NDUFA10: variants seen among roughly 807,000 people sequenced by gnomAD.
The protein encoded by NDUFA10 is NADH:ubiquinone oxidoreductase subunit A10, also known as NADH dehydrogenase [ubiquinone] 1 alpha subcomplex subunit 10, mitochondrial.
NDUFA10 carries 40 observed loss-of-function variants against 47.8 expected under a neutral mutation model. The observed-to-expected ratio is 0.84, with a 90% CI of 0.65 to 1.09. NDUFA10 has a LOEUF of 1.09. Ranked by LOEUF, NDUFA10 falls within the 50% of genes least tolerant of loss-of-function variation. The probability of loss-of-function intolerance (pLI) is 0.00; values close to 1 mark genes in which losing one functional copy is unlikely to be tolerated. For synonymous variants in NDUFA10, 183 were observed against 172.2 expected, an observed-to-expected ratio of 1.06 and a Z score of -0.49; for missense variants, 413 against 451.1, an observed-to-expected ratio of 0.92 and a Z score of 0.76.
chr2:239,980,367 C>T (rs984856521), intron 9 of NDUFA10, among the ~76,000 whole-genome samples: 3 of 152,186 alleles, frequency 2.0e-5, no homozygotes, highest in Non-Finnish European at 4.4e-5. Flanking sequence ...TCCCAAGATG[C>T]CTGACTCTAT....
chr2:239,900,092 C>T (rs1429742937), intron 4 of NDUFA10, among the ~76,000 whole-genome samples: 1 of 151,996 alleles, frequency 6.6e-6, no homozygotes, highest in Non-Finnish European at 1.5e-5. Flanking sequence ...GCTTCCTGCC[C>T]CTGAACATCA....
chr2:240,007,410 C>A, intron 6 of NDUFA10, 40 bp from the exon 7 acceptor site: 1 of 1,418,460 alleles, frequency 7.0e-7, no homozygotes, highest in Non-Finnish European at 1.0e-6. Flanking sequence ...GTAAACTTTT[C>A]CAAGCTGAAG....
At chr2:239,931,929 G>A (rs555566185) in intron 4 of NDUFA10, among the ~76,000 whole-genome samples, 2 of 131,780 alleles carry the variant, frequency 1.5e-5, no homozygotes, top group East Asian at 2.5e-4. Flanking sequence ...TCCGCCTCCC[G>A]GGTTCACGCC....
chr2:240,011,843 AG>A, intron 5 of NDUFA10, 147 bp from the exon 6 acceptor site: 1 of 721,064 alleles, frequency 1.4e-6, no homozygotes, highest in South Asian at 1.5e-5. Context: ...GTGACAGCAA[AG>A]GGTCCCAACA....
chr2:240,018,171 T>G (rs932464324), intron 4 of NDUFA10, among the ~76,000 whole-genome samples: 1 of 152,172 alleles, frequency 6.6e-6, no homozygotes, highest in Non-Finnish European at 1.5e-5. Context: ...AACATCCCAA[T>G]TCATCAAAAT....
chr2:239,977,339 C>T (rs1256907828), intron 9 of NDUFA10, among the ~76,000 whole-genome samples: 1 of 152,234 alleles, frequency 6.6e-6, no homozygotes, highest in Non-Finnish European at 1.5e-5. Context: ...CCGCCACTGT[C>T]CCTGAGTATG....
rs754678966 is a variant in NDUFA10, at chr2:240,025,217, G to A, written c.75+10C>T. The A allele has an allele frequency of 8.1e-7, 1 of 1,231,426 alleles. No homozygotes were observed. The highest frequency in any genetic ancestry group is 6.3e-5 in the East Asian group (1 of 15,936). 76.3% of individuals were successfully genotyped at this position (1,231,426 alleles called of 1,614,324 possible). A position where few individuals can be genotyped will look rare whatever the true frequency, so the allele number is the denominator to read the frequency against. ...CACCCCGCCACCCTGCCACCCCGCC[G>A]CCCGCTCACCACGCGCTGGGCGCCC... is the stretch of plus-strand genomic sequence containing the variant. On this transcript the variant is annotated intron_variant, in intron 1 of 9. Coordinates refer to ENST00000252711, the MANE Select transcript of NDUFA10 (RefSeq NM_004544.4).
chr2:239,928,873 C>T lies in NDUFA10; in HGVS notation c.295-33559G>A, dbSNP rs537534255. ...ACTCCTCCCATCAGCGGATCCTCCG[C>T]GAATCCTCCCAGCCTTGACTCCGAA... On this transcript the variant is annotated intron_variant, in intron 4 of 5. Transcript: ENST00000419408. This position sits in a 1 kb window ranked among gnomAD's most constrained non-coding sequence, Gnocchi z 4.3. 3.3e-5 allele frequency among the ~76,000 whole-genome samples: 5 copies of T among 152,324 alleles called. No homozygotes were observed. The highest frequency in any genetic ancestry group is 9.6e-5 in the African/African-American group (4 of 41,580).
intron 9 of NDUFA10, among the ~76,000 whole-genome samples, chr2:239,963,667 T>C (rs1050038169): frequency 2.0e-5 from 3 of 152,088 alleles, no homozygotes; most frequent in Non-Finnish European, 2.9e-5. Context: ...GGTTGCCCCA[T>C]AGAGATGACC....
At chr2:239,989,885 G>A (rs577688965) in intron 9 of NDUFA10, among the ~76,000 whole-genome samples, 189 bp downstream of exon 9, 9 of 152,312 alleles carry the variant, frequency 5.9e-5, no homozygotes, top group Non-Finnish European at 2.9e-5. Context: ...TGTCATCTGA[G>A]GACTTCATCA....
At chr2:239,918,616 T>A (rs774336821) in intron 4 of NDUFA10, among the ~76,000 whole-genome samples, 9 of 152,166 alleles carry the variant, frequency 5.9e-5, no homozygotes, top group Non-Finnish European at 7.4e-5. Flanking sequence ...CCACAGACCC[T>A]AAGAAAGCCC....
At chr2:239,978,615 T>G (rs1375457463) in intron 9 of NDUFA10, among the ~76,000 whole-genome samples, 2 of 152,182 alleles carry the variant, frequency 1.3e-5, no homozygotes, top group Admixed American at 6.5e-5. Context: ...GGCACTTCTG[T>G]CCCTCCCACC....
intron 9 of NDUFA10, among the ~76,000 whole-genome samples, chr2:239,968,018 A>ATTCTAATGGAGGAAACTCC (rs1695150862): frequency 6.6e-6 from 1 of 150,490 alleles, no homozygotes; most frequent in Non-Finnish European, 1.5e-5. Context: ...ACAGTCACTC[A>ATTCTAATGGAGGAAACTCC]TTCTAATGGA....
chr2:239,974,311 C>T (rs938161561), intron 9 of NDUFA10, among the ~76,000 whole-genome samples: 6 of 152,186 alleles, frequency 3.9e-5, no homozygotes, highest in African/African-American at 1.4e-4. Flanking sequence ...TGGACAGGTG[C>T]CTGAGAGCCA....
chr2:239,908,954 C>T (rs542511485), intron 4 of NDUFA10, among the ~76,000 whole-genome samples: 14 of 152,332 alleles, frequency 9.2e-5, no homozygotes, highest in South Asian at 2.1e-4. Context: ...CTCCCGCATC[C>T]CCTCTGGGCA....
Position 239,959,322 on chromosome 2 carries a change from T to G in NDUFA10, c.*1796A>C, listed in dbSNP as rs1186205729. 9 of 985,490 alleles carry G rather than the reference T, an allele frequency of 9.1e-6. No homozygotes were observed. Among genetic ancestry groups the G allele is most frequent in the Non-Finnish European group, 1.1e-5 (9 of 829,958 alleles). 61.0% of individuals were successfully genotyped at this position (985,490 alleles called of 1,614,324 possible). A position where few individuals can be genotyped will look rare whatever the true frequency, so the allele number is the denominator to read the frequency against. ...CAGGGCAGACCTGCCCTCTCACTGC[T>G]GAGGACACTACCCGTGCAACCACCA... On this transcript the variant is annotated 3_prime_UTR_variant, in exon 10 of 10. Coordinates refer to ENST00000252711, the MANE Select transcript of NDUFA10 (RefSeq NM_004544.4).
chr2:239,969,577 T>C (rs899141753), intron 9 of NDUFA10: 1 of 458,308 alleles, frequency 2.2e-6, no homozygotes, highest in African/African-American at 2.0e-5. Context: ...TCTTTGGCTC[T>C]AGGACACTCA....
At chr2:239,937,473 C>T (rs2106376722) in intron 4 of NDUFA10, among the ~76,000 whole-genome samples, 1 of 152,282 alleles carries the variant, frequency 6.6e-6, no homozygotes, top group South Asian at 2.1e-4. Context: ...ACACTATGTG[C>T]TTTTTGTGGC....
In NDUFA10 at chr2:239,949,912, A is replaced by C. The variant is rs775166499; in HGVS notation, c.294+40162T>G. ...CTCCAGAATCCTTGTAACTGTCTCC[A>C]TATCTGTTCATCCTGTGGGTCCTGG... On this transcript the variant is annotated intron_variant, in intron 4 of 5. Transcript: ENST00000419408. 3.9e-5 allele frequency among the ~76,000 whole-genome samples: 6 copies of C among 152,246 alleles called. No homozygotes were observed. The East Asian group carries it at 9.7e-4, about 25-fold the overall frequency.
Sources: allele counts gnomAD v4.1 joint callset (sites outside exome capture counted in the v4.1 genomes callset), GRCh38; gene constraint gnomAD v4.1.1; non-coding constraint Gnocchi (gnomAD v3.1); transcripts MANE v1.5; gene names NCBI Gene and HGNC (gene_info 2026-07-23, HGNC 2026-07-21).